The following RAP1A variants were observed in gnomAD, a reference collection of about 807,000 sequenced individuals.
RAP1A encodes the protein RAP1A, member of RAS oncogene family.
A neutral mutation model predicts 26.4 loss-of-function variants in RAP1A; 6 were observed. The observed-to-expected ratio is 0.23, with a 90% CI of 0.12 to 0.45. The LOEUF is 0.45. Among genes scored for constraint, RAP1A ranks in the 20% least tolerant of loss-of-function variants. RAP1A has a pLI of 0.99. For missense variants in RAP1A, 121 were observed against 217.2 expected (o/e 0.56, Z 2.78); for synonymous variants, 73 against 79.4 (o/e 0.92, Z 0.43).
In RAP1A at chr1:111,554,788, A is replaced by G. The variant is rs530118208; in HGVS notation, c.-28+12279A>G. 2.7e-3 allele frequency among the ~76,000 whole-genome samples: 417 copies of G among 152,306 alleles called. 1 individual carries two copies. The highest frequency in any genetic ancestry group is 7.8e-3 in the African/African-American group (326 of 41,562). The stretch of plus-strand genomic sequence containing the variant: ...AAAGTGATTCAGGTTGGTAGACCCC[A>G]AGCCCCTGGCAAAAGCAAACACAAA... On this transcript the variant is annotated intron_variant, in intron 1 of 7. Coordinates refer to the RAP1A transcript ENST00000356415.
intron 1 of RAP1A, among the ~76,000 whole-genome samples, chr1:111,662,180 G>A (rs1343353643): frequency 6.6e-6 from 1 of 152,052 alleles, no homozygotes; most frequent in Non-Finnish European, 1.5e-5. Flanking sequence ...CAGATCATGA[G>A]GTCAGGAGAT....
At chr1:111,692,595 A>G (rs964091148) in intron 2 of RAP1A, among the ~76,000 whole-genome samples, 7 of 152,182 alleles carry the variant, frequency 4.6e-5, no homozygotes, top group African/African-American at 1.4e-4. Flanking sequence ...AGAGTCTGGA[A>G]ACAACCTAAA....
chr1:111,646,829 G>A (rs144247194), intron 1 of RAP1A, among the ~76,000 whole-genome samples: 1,601 of 152,322 alleles, frequency 0.011, 24 homozygotes, highest in African/African-American at 0.036. Flanking sequence ...GTGAGCCACC[G>A]CGCACAGACG....
At chr1:111,643,742 T>TA (rs1659965352) in intron 1 of RAP1A, among the ~76,000 whole-genome samples, 1 of 152,216 alleles carries the variant, frequency 6.6e-6, no homozygotes, top group Non-Finnish European at 1.5e-5. Context: ...CACTGGTGTG[T>TA]AGTAGGTCTT....
chr1:111,679,581 A>C (rs910566460), intron 1 of RAP1A, among the ~76,000 whole-genome samples: 3 of 152,210 alleles, frequency 2.0e-5, no homozygotes, highest in Admixed American at 6.5e-5. Flanking sequence ...TCCCCTGGAA[A>C]GGGGGCTGAA....
At chr1:111,574,297 T>C (rs1042629222) in intron 1 of RAP1A, among the ~76,000 whole-genome samples, 2 of 152,184 alleles carry the variant, frequency 1.3e-5, no homozygotes, top group Non-Finnish European at 2.9e-5. Flanking sequence ...GGGTTCTCTA[T>C]TCTGTTCCAT....
At chr1:111,659,702 C>T (rs771425650) in intron 1 of RAP1A, among the ~76,000 whole-genome samples, 2 of 151,676 alleles carry the variant, frequency 1.3e-5, no homozygotes, top group Non-Finnish European at 2.9e-5. Context: ...CTTTTTTTGC[C>T]TTCTGATTTC....
At chr1:111,681,110 T>C (rs1346277851) in intron 1 of RAP1A, among the ~76,000 whole-genome samples, 1 of 152,110 alleles carries the variant, frequency 6.6e-6, no homozygotes, top group Non-Finnish European at 1.5e-5. Context: ...CCAGGTGTGG[T>C]GCATTTATAA....
At chr1:111,711,563 C>T (rs1402354046) in intron 7 of RAP1A, among the ~76,000 whole-genome samples, 7 of 152,136 alleles carry the variant, frequency 4.6e-5, no homozygotes, top group Admixed American at 3.3e-4. Context: ...AATAAGTCAT[C>T]CAAGATCTCT....
At chr1:111,601,425 A>T (rs1428779069) in intron 1 of RAP1A, among the ~76,000 whole-genome samples, 1 of 152,230 alleles carries the variant, frequency 6.6e-6, no homozygotes, top group Non-Finnish European at 1.5e-5. Flanking sequence ...GGAGGAATAA[A>T]GCTATGTAAT....
intron 1 of RAP1A, among the ~76,000 whole-genome samples, chr1:111,673,647 A>C (rs1661041120): frequency 6.6e-6 from 1 of 152,212 alleles, no homozygotes; most frequent in Non-Finnish European, 1.5e-5. Flanking sequence ...GGGAATCTTA[A>C]CCAGAGTAAG....
At chr1:111,680,976 G>T (rs1270647331) in intron 1 of RAP1A, among the ~76,000 whole-genome samples, 11 of 152,254 alleles carry the variant, frequency 7.2e-5, no homozygotes, top group African/African-American at 2.7e-4. Context: ...GCTGGGTGTG[G>T]TGGCTCACGC....
intron 1 of RAP1A, among the ~76,000 whole-genome samples, chr1:111,666,336 G>C (rs547702112): frequency 5.3e-5 from 8 of 152,104 alleles, no homozygotes; most frequent in Admixed American, 5.2e-4. Flanking sequence ...GTCATTTAGG[G>C]ATTATTTGTA....
intron 1 of RAP1A, among the ~76,000 whole-genome samples, chr1:111,604,980 T>TCTC (rs1486584009): frequency 6.6e-6 from 1 of 152,166 alleles, no homozygotes; most frequent in Admixed American, 6.5e-5. Flanking sequence ...GTGTGACAAT[T>TCTC]CTCCATTGAA....
intron 1 of RAP1A, among the ~76,000 whole-genome samples, chr1:111,578,483 T>C (rs1399022658): frequency 7.7e-6 from 1 of 130,412 alleles, no homozygotes; most frequent in Non-Finnish European, 1.7e-5. Context: ...AAATAGTTTA[T>C]TTTCAATGGG....
intron 1 of RAP1A, among the ~76,000 whole-genome samples, chr1:111,638,175 C>T (rs990892444): frequency 7.9e-5 from 12 of 151,996 alleles, no homozygotes; most frequent in Admixed American, 4.6e-4. Context: ...TTTTGCCTAA[C>T]GCATTTTGCC....
At chr1:111,600,112 C>T (rs988892796) in intron 1 of RAP1A, 1 of 152,118 alleles carries the variant, frequency 6.6e-6, no homozygotes, top group Non-Finnish European at 1.5e-5. Flanking sequence ...AACCACAAGC[C>T]AAAATAAAAC....
intron 1 of RAP1A, among the ~76,000 whole-genome samples, chr1:111,547,348 G>T (rs1437013133): frequency 6.6e-6 from 1 of 151,820 alleles, no homozygotes; most frequent in African/African-American, 2.4e-5. Flanking sequence ...CTATTGAGAT[G>T]ATGATTTTTT....
At chr1:111,609,122 A>C (rs1489318843) in intron 1 of RAP1A, among the ~76,000 whole-genome samples, 1 of 152,246 alleles carries the variant, frequency 6.6e-6, no homozygotes, top group Non-Finnish European at 1.5e-5. Context: ...GAGGATGAAC[A>C]GAGGGGCGGT....
Sources: gnomAD v4.1 joint callset for allele counts (sites outside exome capture counted in the v4.1 genomes callset) on GRCh38, gnomAD v4.1.1 for gene constraint, MANE v1.5 for transcripts, NCBI Gene and HGNC (gene_info 2026-07-23, HGNC 2026-07-21) for gene names.